PDZD2: variants seen among roughly 807,000 people sequenced by gnomAD.
PDZD2 encodes the protein PDZ domain containing 2, also known as PDZ domain-containing protein 2.
A neutral mutation model predicts 220.7 loss-of-function variants in PDZD2; 90 were observed. That is an observed-to-expected ratio of 0.41 (90% CI 0.34 to 0.49). The LOEUF (loss-of-function observed/expected upper bound fraction) is 0.49. Ranked by LOEUF, PDZD2 falls within the 20% of genes least tolerant of loss-of-function variation. The pLI is 0.28. For missense variants in PDZD2, 3,174 were observed against 3,608.5 expected (o/e 0.88, Z 3.08); for synonymous variants, 1,375 against 1,450.5 (o/e 0.95, Z 1.18).
chr5:31,977,427 C>T (rs924577845), intron 2 of PDZD2, among the ~76,000 whole-genome samples: 2 of 152,040 alleles, frequency 1.3e-5, no homozygotes, highest in African/African-American at 2.4e-5. Flanking sequence ...TGTATTTGGC[C>T]CTCTCTTATC....
chr5:32,006,775 C>T (rs1459284718), intron 5 of PDZD2, among the ~76,000 whole-genome samples: 1 of 150,418 alleles, frequency 6.6e-6, no homozygotes, highest in Non-Finnish European at 1.5e-5. Context: ...CTGCGACCTC[C>T]GCCTCCTAGG....
chr5:31,931,639 C>T (rs1561114896), intron 2 of PDZD2, among the ~76,000 whole-genome samples: 2 of 151,978 alleles, frequency 1.3e-5, no homozygotes, highest in Non-Finnish European at 2.9e-5. Context: ...GAGGGAGGAA[C>T]GAAGAAGCTG....
chr5:31,851,777 T>C (rs534829905), intron 2 of PDZD2, among the ~76,000 whole-genome samples: 15 of 152,326 alleles, frequency 9.8e-5, no homozygotes, highest in African/African-American at 3.1e-4. Context: ...CACCAGATCA[T>C]ATCTTTCTGG....
At position 31,849,901 on chromosome 5, in the gene PDZD2, T is replaced by TACAC. The variant is rs1454664962; in HGVS notation, c.476+50178_476+50179insCACA. ...ATATATATATATACACATATATATA[T>TACAC]ATACATATATATATATACATATATA... On this transcript the variant is annotated intron_variant, in intron 2 of 24. Transcript: ENST00000438447. Among the ~76,000 whole-genome samples the TACAC allele has an allele frequency of 1.5e-4, 4 of 26,644 alleles. 2 individuals carry two copies. The highest frequency in any genetic ancestry group is 1.0e-3 in the African/African-American group (4 of 3,842). The allele number at this position is 26,644 out of a possible 152,430, so 17.5% of individuals were successfully genotyped here.
At chr5:31,767,953 G>A (rs995870469) in intron 1 of PDZD2, among the ~76,000 whole-genome samples, 2 of 152,232 alleles carry the variant, frequency 1.3e-5, no homozygotes, top group Non-Finnish European at 2.9e-5. Context: ...GATAAATTGG[G>A]AACAACCAGA....
chr5:32,101,294 T>C (rs283107), intron 24 of PDZD2, 55 bp downstream of exon 24: 155,247 of 1,471,616 alleles, frequency 0.11, 10,396 homozygotes, highest in South Asian at 0.27. Flanking sequence ...TTTCCATGGA[T>C]GTCTCAATGA....
intron 1 of PDZD2, among the ~76,000 whole-genome samples, chr5:31,734,028 T>C (rs1195542346): frequency 6.6e-6 from 1 of 152,246 alleles, no homozygotes; most frequent in Non-Finnish European, 1.5e-5. Flanking sequence ...CCAGTACTTC[T>C]GACTGACCAG....
intron 2 of PDZD2, among the ~76,000 whole-genome samples, chr5:31,864,750 C>G (rs1042862713): frequency 2.7e-5 from 4 of 150,494 alleles, no homozygotes; most frequent in African/African-American, 9.8e-5. Context: ...CTCCTGACCT[C>G]AGGTGATCTC....
At chr5:31,715,015 C>T (rs896244505) in intron 1 of PDZD2, among the ~76,000 whole-genome samples, 12 of 148,360 alleles carry the variant, frequency 8.1e-5, no homozygotes, top group Non-Finnish European at 1.3e-4. Flanking sequence ...GCCGAGATCT[C>T]GCCACTGCAC....
At chr5:31,829,823 T>A (rs1439821249) in intron 2 of PDZD2, among the ~76,000 whole-genome samples, 2 of 151,712 alleles carry the variant, frequency 1.3e-5, no homozygotes, top group African/African-American at 4.8e-5. Flanking sequence ...GAAGCCAAGG[T>A]GAGTGGATCA....
chr5:31,809,324 G>A (rs1355456168), intron 2 of PDZD2, among the ~76,000 whole-genome samples: 1 of 152,202 alleles, frequency 6.6e-6, no homozygotes, highest in African/African-American at 2.4e-5. Context: ...CACAGGCTGT[G>A]TGTGTTTCAC....
At chr5:32,028,168 G>A (rs1754821320) in intron 6 of PDZD2, among the ~76,000 whole-genome samples, 1 of 152,164 alleles carries the variant, frequency 6.6e-6, no homozygotes, top group African/African-American at 2.4e-5. Flanking sequence ...TAAAAGCCAC[G>A]CTTTGCATGG....
intron 6 of PDZD2, among the ~76,000 whole-genome samples, chr5:32,012,532 C>T (rs116612511): frequency 0.023 from 3,442 of 151,852 alleles, 169 homozygotes; most frequent in East Asian, 0.22. Flanking sequence ...TACAGACGCA[C>T]GCCACCGCGC....
chr5:31,931,378 G>T (rs1217295127), intron 2 of PDZD2, among the ~76,000 whole-genome samples: 2 of 152,126 alleles, frequency 1.3e-5, no homozygotes, highest in African/African-American at 4.8e-5. Context: ...GACTGGTTTC[G>T]AACTCCTGAC....
At chr5:31,989,735 A>G (rs1751065005) in intron 3 of PDZD2, among the ~76,000 whole-genome samples, 1 of 152,046 alleles carries the variant, frequency 6.6e-6, no homozygotes, top group Non-Finnish European at 1.5e-5. Context: ...GGTGTATACC[A>G]CATTTTCTTT....
intron 1 of PDZD2, among the ~76,000 whole-genome samples, chr5:31,661,785 G>GTTTTTTTTTTTTT (rs5867089): frequency 8.5e-5 from 12 of 141,804 alleles, no homozygotes; most frequent in Non-Finnish European, 7.6e-5. Context: ...TCCTCCCTTG[G>GTTTTTTTTTTTTT]TTTTTTTTTT....
intron 2 of PDZD2, among the ~76,000 whole-genome samples, chr5:31,976,714 C>CTTTTTTTTTTTTT (rs869280921): frequency 3.2e-4 from 32 of 99,692 alleles, no homozygotes; most frequent in East Asian, 6.2e-4. Flanking sequence ...TTTCTTCTTT[C>CTTTTTTTTTTTTT]TTTTTTTTTT....
chr5:31,676,388 G>A (rs2150120781), intron 1 of PDZD2, among the ~76,000 whole-genome samples: 1 of 152,260 alleles, frequency 6.6e-6, no homozygotes, highest in Admixed American at 6.5e-5. Flanking sequence ...GAGGTCAGAA[G>A]GAGTGACAAG....
At chr5:32,061,244 C>T (rs969690994) in intron 14 of PDZD2, 110 bp downstream of exon 14, 25 of 959,402 alleles carry the variant, frequency 2.6e-5, no homozygotes, top group Middle Eastern at 2.2e-4. Flanking sequence ...AGGCAACCTA[C>T]GGGTGGTTCA....
Sources: allele counts gnomAD v4.1 joint callset (sites outside exome capture counted in the v4.1 genomes callset), GRCh38; gene constraint gnomAD v4.1.1; transcripts MANE v1.5; gene names NCBI Gene and HGNC (gene_info 2026-07-23, HGNC 2026-07-21).